Variants in NELL1 observed in about 807,000 individuals in gnomAD.
The protein encoded by NELL1 is neural EGFL like 1.
A neutral mutation model predicts 107.4 loss-of-function variants in NELL1; 76 were observed. That is an observed-to-expected ratio of 0.71 (90% CI 0.59 to 0.86). NELL1 has a LOEUF of 0.86. Among genes scored for constraint, NELL1 ranks in the 40% least tolerant of loss-of-function variants. The probability of loss-of-function intolerance (pLI) is 0.00; values close to 1 mark genes in which losing one functional copy is unlikely to be tolerated. For missense variants in NELL1, 1,024 were observed against 1,005.5 expected (o/e 1.02, Z -0.25); for synonymous variants, 353 against 341.2 (o/e 1.03, Z -0.38).
intron 17 of NELL1, among the ~76,000 whole-genome samples, chr11:21,568,720 G>C (rs2134011011): frequency 6.6e-6 from 1 of 151,632 alleles, no homozygotes; most frequent in South Asian, 2.1e-4. Flanking sequence ...CAATATCACT[G>C]TCTTTCACCT....
At chr11:20,988,721 G>A (rs1408722766) in intron 12 of NELL1, among the ~76,000 whole-genome samples, 4 of 151,534 alleles carry the variant, frequency 2.6e-5, no homozygotes, top group Non-Finnish European at 5.9e-5. Context: ...CTCCTGAGTA[G>A]CTGAGACGAC....
At chr11:21,335,642 T>C (rs1850372622) in intron 14 of NELL1, among the ~76,000 whole-genome samples, 1 of 152,082 alleles carries the variant, frequency 6.6e-6, no homozygotes, top group Non-Finnish European at 1.5e-5. Flanking sequence ...GGAAGTTGTC[T>C]ACCTGAAGAC....
At chr11:20,809,028 G>A (rs897086320) in intron 3 of NELL1, among the ~76,000 whole-genome samples, 1 of 151,894 alleles carries the variant, frequency 6.6e-6, no homozygotes, top group Non-Finnish European at 1.5e-5. Context: ...ATTAAATTTG[G>A]TGTTACTGCA....
intron 15 of NELL1, among the ~76,000 whole-genome samples, chr11:21,525,176 A>C (rs986251441): frequency 6.6e-6 from 1 of 152,224 alleles, no homozygotes; most frequent in Admixed American, 6.5e-5. Context: ...TAAAATTAGA[A>C]GGCCATATCC....
chr11:20,852,800 T>G (rs1848816006), intron 4 of NELL1, among the ~76,000 whole-genome samples: 1 of 152,206 alleles, frequency 6.6e-6, no homozygotes, highest in Admixed American at 6.5e-5. Flanking sequence ...ATGCCTCATG[T>G]CAAACTAACA....
chr11:20,763,832 G>T (rs1759257322), intron 2 of NELL1, among the ~76,000 whole-genome samples: 1 of 152,226 alleles, frequency 6.6e-6, no homozygotes, highest in South Asian at 2.1e-4. Context: ...GGAATGGAGG[G>T]GGTTTGTGTG....
At chr11:20,940,542 C>T (rs770976197) in intron 10 of NELL1, among the ~76,000 whole-genome samples, 2 of 152,084 alleles carry the variant, frequency 1.3e-5, no homozygotes, top group Non-Finnish European at 2.9e-5. Flanking sequence ...AGCCACTGCA[C>T]CTGGCCCCTT....
At chr11:20,721,246 A>ATATATT (rs1463481223) in intron 2 of NELL1, among the ~76,000 whole-genome samples, 3 of 142,872 alleles carry the variant, frequency 2.1e-5, no homozygotes, top group Non-Finnish European at 4.5e-5. Flanking sequence ...ATATATATAT[A>ATATATT]TATTTATTTG....
At chr11:20,836,288 C>T (rs1372764244) in intron 3 of NELL1, among the ~76,000 whole-genome samples, 8 of 150,466 alleles carry the variant, frequency 5.3e-5, no homozygotes, top group African/African-American at 2.0e-4. Context: ...AAAAAAAAAC[C>T]CCAACAATAC....
chr11:20,891,129 A>G (rs1849608537), intron 5 of NELL1, among the ~76,000 whole-genome samples: 1 of 152,232 alleles, frequency 6.6e-6, no homozygotes, highest in South Asian at 2.1e-4. Flanking sequence ...CAAGTCACCT[A>G]CAAAGGGAAG....
intron 15 of NELL1, among the ~76,000 whole-genome samples, chr11:21,388,078 T>C (rs897690031): frequency 2.3e-5 from 2 of 87,048 alleles, no homozygotes; most frequent in Admixed American, 1.1e-4. Flanking sequence ...TAAAATTCTA[T>C]GTTTTTTTTT....
At chr11:21,478,835 C>T (rs1338796842) in intron 15 of NELL1, among the ~76,000 whole-genome samples, 1 of 54,594 alleles carries the variant, frequency 1.8e-5, no homozygotes, top group Non-Finnish European at 3.6e-5. Flanking sequence ...TCAAACAACC[C>T]TATAAGAAAA....
intron 5 of NELL1, among the ~76,000 whole-genome samples, chr11:20,908,622 G>A (rs759280121): frequency 6.6e-6 from 1 of 152,048 alleles, no homozygotes; most frequent in African/African-American, 2.4e-5. Flanking sequence ...CATGGCACAC[G>A]TATACCTATG....
intron 12 of NELL1, among the ~76,000 whole-genome samples, chr11:21,104,544 A>G (rs1388731747): frequency 6.6e-6 from 1 of 152,244 alleles, no homozygotes; most frequent in African/African-American, 2.4e-5. Context: ...TCAGCAATCC[A>G]ACACTCTAAT....
intron 15 of NELL1, among the ~76,000 whole-genome samples, chr11:21,522,834 CTTTTTT>C (rs66707466): frequency 0.019 from 1,329 of 68,480 alleles, 7 homozygotes; most frequent in Non-Finnish European, 0.027. Context: ...TTTTTCTTTT[CTTTTTT>C]TTTTTTTTTT....
chr11:21,382,190 C>T (rs1851631060), intron 15 of NELL1, among the ~76,000 whole-genome samples: 2 of 151,814 alleles, frequency 1.3e-5, no homozygotes, highest in Non-Finnish European at 2.9e-5. Flanking sequence ...TACTCATCAG[C>T]AATGTGAATA....
chr11:20,903,174 G>A (rs988740736), intron 5 of NELL1, among the ~76,000 whole-genome samples: 8 of 152,048 alleles, frequency 5.3e-5, no homozygotes, highest in Non-Finnish European at 8.8e-5. Flanking sequence ...ATATGTGTGT[G>A]TGTATATATG....
intron 16 of NELL1, among the ~76,000 whole-genome samples, chr11:21,536,586 T>TA (rs1856144883): frequency 1.3e-5 from 2 of 152,188 alleles, no homozygotes; most frequent in Admixed American, 1.3e-4. Context: ...TTGTACAATA[T>TA]ATTTGCTCTC....
At chr11:21,013,001 G>A (rs1057136303) in intron 12 of NELL1, among the ~76,000 whole-genome samples, 3 of 151,922 alleles carry the variant, frequency 2.0e-5, no homozygotes, top group Admixed American at 6.6e-5. Flanking sequence ...TTACAAAGGT[G>A]GTCTGGTCTC....
Sources: allele counts gnomAD v4.1 joint callset (sites outside exome capture counted in the v4.1 genomes callset), GRCh38; gene constraint gnomAD v4.1.1; transcripts MANE v1.5; gene names NCBI Gene and HGNC (gene_info 2026-07-23, HGNC 2026-07-21).